The following IFT81 variants were observed in gnomAD, a reference collection of about 807,000 sequenced individuals.
The protein encoded by IFT81 is intraflagellar transport 81.
Under a neutral mutation model 102.6 loss-of-function variants are expected in IFT81, and 72 were observed. The ratio of observed to expected loss-of-function variants is 0.70; its 90% CI spans 0.58 to 0.85. The LOEUF (loss-of-function observed/expected upper bound fraction) is 0.85. IFT81 is among the 40% of genes least tolerant of loss of function. The pLI, the probability that IFT81 is intolerant of heterozygous loss-of-function variation, is 0.00. For synonymous variants in IFT81, 237 were observed against 242.7 expected, an observed-to-expected ratio of 0.98 and a Z score of 0.22; for missense variants, 723 against 787.3, an observed-to-expected ratio of 0.92 and a Z score of 0.98.
intron 12 of IFT81, among the ~76,000 whole-genome samples, chr12:110,184,089 G>C (rs541688525): frequency 6.6e-6 from 1 of 152,134 alleles, no homozygotes; most frequent in Admixed American, 6.5e-5. Context: ...GGTGGCTCAC[G>C]CCTGTAATCC....
chr12:110,197,975 G>C (rs1898090745), intron 14 of IFT81, among the ~76,000 whole-genome samples: 1 of 152,146 alleles, frequency 6.6e-6, no homozygotes, highest in Non-Finnish European at 1.5e-5. Flanking sequence ...GCCTCCCAAA[G>C]TACTGGGATT....
chr12:110,153,811 G>C (rs1895680228), intron 10 of IFT81, among the ~76,000 whole-genome samples: 1 of 150,286 alleles, frequency 6.7e-6, no homozygotes, highest in Non-Finnish European at 1.5e-5. Flanking sequence ...GTTTCTCCAT[G>C]TCTCTACTAA....
chr12:110,143,932 T>C (rs1895041369), intron 9 of IFT81, among the ~76,000 whole-genome samples: 1 of 152,142 alleles, frequency 6.6e-6, no homozygotes, highest in Non-Finnish European at 1.5e-5. Flanking sequence ...AGCTAATATT[T>C]TTATTAACCT....
chr12:110,150,967 G>T (rs1895492314), intron 10 of IFT81, among the ~76,000 whole-genome samples: 1 of 151,918 alleles, frequency 6.6e-6, no homozygotes, highest in African/African-American at 2.4e-5. Flanking sequence ...ATATATGCTG[G>T]TGATCATTCC....
At chr12:110,204,086 C>A in intron 15 of IFT81, 136 bp downstream of exon 15, 1 of 608,192 alleles carries the variant, frequency 1.6e-6, no homozygotes, top group Non-Finnish European at 2.9e-6. Context: ...GCTATGATCA[C>A]ACCACTGCAT....
intron 11 of IFT81, among the ~76,000 whole-genome samples, chr12:110,172,812 G>A (rs1008524051): frequency 1.3e-5 from 2 of 151,454 alleles, no homozygotes; most frequent in African/African-American, 4.9e-5. Context: ...CCGCCACCCC[G>A]TCTAGGAAGT....
chr12:110,171,001 A>T (rs1896701253), intron 11 of IFT81, among the ~76,000 whole-genome samples: 1 of 152,218 alleles, frequency 6.6e-6, no homozygotes. Flanking sequence ...AAAATTAGGA[A>T]TCAAATTTTG....
chr12:110,215,069 C>T (rs1181893563), intron 18 of IFT81, among the ~76,000 whole-genome samples: 6 of 152,024 alleles, frequency 3.9e-5, no homozygotes, highest in Admixed American at 3.9e-4. Flanking sequence ...GTTAACTTTG[C>T]TTTCATTATG....
chr12:110,157,448 T>A (rs935819281), intron 10 of IFT81, among the ~76,000 whole-genome samples: 2 of 152,210 alleles, frequency 1.3e-5, no homozygotes, highest in African/African-American at 4.8e-5. Context: ...CACATGAAGT[T>A]TAAAGAGAGA....
chr12:110,197,570 A>ATG (rs1361539348), intron 14 of IFT81, among the ~76,000 whole-genome samples: 47 of 144,604 alleles, frequency 3.3e-4, no homozygotes, highest in African/African-American at 1.2e-3. Context: ...ATATATATAT[A>ATG]TATATATATA....
rs557816291 is a variant in IFT81, at chr12:110,154,044, C to T, written c.1041+6996C>T. Among the ~76,000 whole-genome samples, 3 of 151,972 alleles carry T rather than the reference C, an allele frequency of 2.0e-5. No individual in the cohort carries two copies. In the East Asian group the frequency reaches 5.8e-4, roughly 30 times the overall value. On this transcript the variant is annotated intron_variant, in intron 10 of 18. Transcript: ENST00000242591. The stretch of plus-strand genomic sequence containing the variant: ...TGTCACCTCGGCTGGAGTGCAGTGG[C>T]ATGATCTCAGCTCACGGCAACCTCC...
intron 18 of IFT81, among the ~76,000 whole-genome samples, chr12:110,209,543 T>C (rs2137600939): frequency 6.6e-6 from 1 of 152,186 alleles, no homozygotes; most frequent in East Asian, 1.9e-4. Context: ...CCAAGGCCAG[T>C]GGATCAGTTG....
At chr12:110,175,020 C>G (rs1418009736) in intron 11 of IFT81, among the ~76,000 whole-genome samples, 1 of 152,204 alleles carries the variant, frequency 6.6e-6, no homozygotes, top group Non-Finnish European at 1.5e-5. Flanking sequence ...AAAATGATAG[C>G]TGCTCTTTCA....
intron 2 of IFT81, 37 bp from the exon 3 acceptor site, chr12:110,128,009 T>C: frequency 1.4e-6 from 2 of 1,392,858 alleles, no homozygotes; most frequent in African/African-American, 1.4e-5. Flanking sequence ...TTGTTACATA[T>C]ACAACAATAA....
At chr12:110,202,492 C>T (rs1209770775) in intron 14 of IFT81, among the ~76,000 whole-genome samples, 2 of 149,424 alleles carry the variant, frequency 1.3e-5, no homozygotes, top group African/African-American at 4.9e-5. Context: ...CTCACTCTGT[C>T]GCCAGGCTGG....
Position 110,135,024 on chromosome 12 carries a change from A to G in IFT81, c.585+11A>G, listed in dbSNP as rs766526738. 3.1e-6 allele frequency: 5 copies of G among 1,591,436 alleles called. No homozygotes were observed. The highest frequency in any genetic ancestry group is 4.3e-6 in the Non-Finnish European group (5 of 1,168,496). On this transcript the variant is annotated intron_variant, in intron 6 of 18. Transcript: ENST00000242591. Reference sequence around the variant, plus strand: ...CATTTGAAGAAAAGGGTAAGGCAGAATTAGTACTGTAAGACTTTGGCCCCA... The same window carrying G: ...CATTTGAAGAAAAGGGTAAGGCAGAGTTAGTACTGTAAGACTTTGGCCCCA...
At chr12:110,186,474 GTCTT>G (rs1286429482) in intron 12 of IFT81, among the ~76,000 whole-genome samples, 7 of 151,794 alleles carry the variant, frequency 4.6e-5, no homozygotes, top group Admixed American at 3.3e-4. Flanking sequence ...TATTTATTAT[GTCTT>G]TCTTTCCTTT....
At chr12:110,156,653 C>T (rs968824968) in intron 10 of IFT81, among the ~76,000 whole-genome samples, 3 of 152,056 alleles carry the variant, frequency 2.0e-5, no homozygotes, top group Non-Finnish European at 4.4e-5. Context: ...TGCACCACCA[C>T]GCCCAGCTAA....
intron 11 of IFT81, chr12:110,167,850 T>TC: frequency 4.0e-6 from 1 of 251,150 alleles, no homozygotes. Flanking sequence ...TAGGTTTCTT[T>TC]TTTTTTTTTT....
Sources: allele counts gnomAD v4.1 joint callset (sites outside exome capture counted in the v4.1 genomes callset), GRCh38; gene constraint gnomAD v4.1.1; transcripts MANE v1.5; gene names NCBI Gene and HGNC (gene_info 2026-07-23, HGNC 2026-07-21).